The following KIF3B variants were observed in gnomAD, a reference collection of about 807,000 sequenced individuals.
KIF3B encodes kinesin family member 3B, also known as kinesin-like protein KIF3B.
Under a neutral mutation model 74.3 loss-of-function variants are expected in KIF3B, and 38 were observed. That is an observed-to-expected ratio of 0.51 (90% CI 0.39 to 0.67). The LOEUF is 0.67. KIF3B is among the 30% of genes least tolerant of loss of function. KIF3B has a pLI of 0.00. For missense variants in KIF3B, 649 were observed against 932.0 expected, an observed-to-expected ratio of 0.70 and a Z score of 3.95; for synonymous variants, 326 against 342.5, an observed-to-expected ratio of 0.95 and a Z score of 0.53.
intron 1 of KIF3B, among the ~76,000 whole-genome samples, chr20:32,309,148 C>G (rs2047787261): frequency 6.6e-6 from 1 of 151,798 alleles, no homozygotes; most frequent in Non-Finnish European, 1.5e-5. Flanking sequence ...TCCCGAGTAG[C>G]TAAGACTACA....
chr20:32,298,136 G>C (rs1466443732), intron 1 of KIF3B, among the ~76,000 whole-genome samples: 1 of 135,140 alleles, frequency 7.4e-6, no homozygotes, highest in African/African-American at 2.6e-5. Context: ...TTGTTTTTTT[G>C]AATTAAAAAA....
intron 5 of KIF3B, among the ~76,000 whole-genome samples, chr20:32,323,890 A>G (rs745617749): frequency 6.6e-6 from 1 of 151,986 alleles, no homozygotes; most frequent in Non-Finnish European, 1.5e-5. Flanking sequence ...AAAAGTATAT[A>G]TATACATATT....
In KIF3B at chr20:32,318,653, A is replaced by G. The variant is rs142005814; in HGVS notation, c.1748+1779A>G. ...GATCAACAGATATCTGGTAGTCCCA[A>G]CATCAATTGTTCTTTATTATGACTG... On this transcript the variant is annotated intron_variant, in intron 5 of 8. Transcript: ENST00000375712. Among the ~76,000 whole-genome samples the G allele has an allele frequency of 1.6e-4, 25 of 152,340 alleles. No individual in the cohort carries two copies. In the East Asian group the frequency reaches 4.8e-3, roughly 29 times the overall value.
chr20:32,322,792 ATATATATATTTATATATATT>A (rs1258382356), intron 5 of KIF3B, among the ~76,000 whole-genome samples: 2 of 60,752 alleles, frequency 3.3e-5, no homozygotes, highest in Non-Finnish European at 5.1e-5. Context: ...ATATATATTT[ATATATATATTTATATATATT>A]TATATATATT....
intron 5 of KIF3B, among the ~76,000 whole-genome samples, chr20:32,325,867 C>G (rs1231453560): frequency 6.6e-6 from 1 of 151,828 alleles, no homozygotes; most frequent in Non-Finnish European, 1.5e-5. Context: ...AGAGTTTCGC[C>G]ATGTTGGCCA....
At chr20:32,297,007 A>G (rs938890115) in intron 1 of KIF3B, among the ~76,000 whole-genome samples, 1 of 152,028 alleles carries the variant, frequency 6.6e-6, no homozygotes, top group African/African-American at 2.4e-5. Context: ...GTTGATGGTG[A>G]TGAGGTGGAT....
At chr20:32,287,463 A>T (rs2047672529) in intron 1 of KIF3B, among the ~76,000 whole-genome samples, 1 of 151,324 alleles carries the variant, frequency 6.6e-6, no homozygotes, top group African/African-American at 2.4e-5. Flanking sequence ...CCAGGGCCAC[A>T]GGTGCGTGCC....
chr20:32,322,984 T>TTA (rs1247715321), intron 5 of KIF3B, among the ~76,000 whole-genome samples: 2 of 29,006 alleles, frequency 6.9e-5, no homozygotes, highest in Non-Finnish European at 9.6e-5. Flanking sequence ...ATACACATAT[T>TTA]TATATATACA....
At chr20:32,281,609 C>T (rs564800697) in intron 1 of KIF3B, among the ~76,000 whole-genome samples, 1 of 152,260 alleles carries the variant, frequency 6.6e-6, no homozygotes, top group African/African-American at 2.4e-5. Flanking sequence ...CCCAGCTATT[C>T]AGGAGGCTGA....
intron 5 of KIF3B, among the ~76,000 whole-genome samples, chr20:32,323,407 A>T (rs764953809): frequency 6.6e-6 from 1 of 150,514 alleles, no homozygotes; most frequent in South Asian, 2.1e-4. Context: ...TATTTTATTT[A>T]TTTGTTTATT....
At chr20:32,322,850 ATATT>A (rs1477024850) in intron 5 of KIF3B, among the ~76,000 whole-genome samples, 1 of 81,326 alleles carries the variant, frequency 1.2e-5, no homozygotes, top group Non-Finnish European at 2.0e-5. Flanking sequence ...ATATTTATAT[ATATT>A]TATATATACA....
At chr20:32,312,673 T>A (rs1369872340) in intron 2 of KIF3B, among the ~76,000 whole-genome samples, 1 of 152,228 alleles carries the variant, frequency 6.6e-6, no homozygotes, top group Non-Finnish European at 1.5e-5. Flanking sequence ...TCATTATTAC[T>A]GTTCCAAGTA....
chr20:32,332,352 G>A lies in KIF3B; in HGVS notation c.*1033G>A, dbSNP rs1399936543. 1 of 152,360 alleles carries A rather than the reference G, an allele frequency of 6.6e-6. No individual in the cohort carries two copies. Among genetic ancestry groups the A allele is most frequent in the Non-Finnish European group, 1.5e-5 (1 of 68,126 alleles). The allele number at this position is 152,360 out of a possible 1,614,324, so 9.4% of individuals were successfully genotyped here. The stretch of plus-strand genomic sequence containing the variant: ...GCAGAAGAGTAGCTAGGCAGATGCA[G>A]AGATGGAGACATGAGACTCAGTGCA... On this transcript the variant is annotated 3_prime_UTR_variant, in exon 9 of 9. Transcript: ENST00000375712.
intron 2 of KIF3B, among the ~76,000 whole-genome samples, chr20:32,315,812 C>T (rs1237982727): frequency 1.3e-5 from 2 of 152,142 alleles, no homozygotes; most frequent in Non-Finnish European, 2.9e-5. Flanking sequence ...GCATCTGGCG[C>T]CATATGGTTA....
chr20:32,326,313 G>A (rs1310150426), intron 5 of KIF3B, among the ~76,000 whole-genome samples: 3 of 152,134 alleles, frequency 2.0e-5, no homozygotes, highest in African/African-American at 7.2e-5. Flanking sequence ...CTTGGACAAC[G>A]AGCCATGGGA....
intron 1 of KIF3B, among the ~76,000 whole-genome samples, chr20:32,306,583 T>G (rs1248958776): frequency 5.1e-4 from 14 of 27,282 alleles, no homozygotes; most frequent in African/African-American, 3.5e-3. Context: ...TTTTTCCTCT[T>G]TTTTTTTTTT....
At chr20:32,300,363 C>T (rs1375796756) in intron 1 of KIF3B, among the ~76,000 whole-genome samples, 2 of 151,746 alleles carry the variant, frequency 1.3e-5, no homozygotes, top group Non-Finnish European at 2.9e-5. Flanking sequence ...CTGCAAGCTC[C>T]GCCTCCCAGG....
rs1438511817 is a variant in KIF3B, at chr20:32,334,544, T to C, written c.*3225T>C. The C allele has an allele frequency of 2.0e-5, 3 of 152,562 alleles. No homozygotes were observed. Among genetic ancestry groups the C allele is most frequent in the African/African-American group, 7.2e-5 (3 of 41,406 alleles). 9.5% of individuals were successfully genotyped at this position (152,562 alleles called of 1,614,324 possible). A position where few individuals can be genotyped will look rare whatever the true frequency, so the allele number is the denominator to read the frequency against. On this transcript the variant is annotated 3_prime_UTR_variant, in exon 9 of 9. Coordinates refer to ENST00000375712, the MANE Select transcript of KIF3B (RefSeq NM_004798.4). ...TCTGCCTCACATTTCCCACTTGAGG[T>C]TGAGGCGTACTGGAGACAACACCTC...
intron 5 of KIF3B, among the ~76,000 whole-genome samples, chr20:32,319,801 G>C (rs1395758065): frequency 1.3e-5 from 2 of 151,418 alleles, no homozygotes; most frequent in African/African-American, 2.4e-5. Flanking sequence ...GCCCAGGCTG[G>C]TCTTGAACTC....
Sources: gnomAD v4.1 joint callset for allele counts (sites outside exome capture counted in the v4.1 genomes callset) on GRCh38, gnomAD v4.1.1 for gene constraint, MANE v1.5 for transcripts, NCBI Gene and HGNC (gene_info 2026-07-23, HGNC 2026-07-21) for gene names.